FBXO4: variants seen among roughly 807,000 people sequenced by gnomAD.
The protein encoded by FBXO4 is F-box protein 4.
In FBXO4, 36 loss-of-function variants were observed where a neutral mutation model predicts 43.7. That is an observed-to-expected ratio of 0.82 (90% confidence interval 0.63 to 1.09). The LOEUF (loss-of-function observed/expected upper bound fraction) is 1.09, where lower values mean the gene tolerates loss of function less well. FBXO4 is among the 50% of genes least tolerant of loss of function. The pLI is 0.00. For missense variants in FBXO4, 435 were observed against 474.1 expected (o/e 0.92, Z 0.77); for synonymous variants, 180 against 165.6 (o/e 1.09, Z -0.67).
At chr5:42,036,953 T>C in the FBXO4 span, among the ~76,000 whole-genome samples, 5 of 152,028 alleles carry the variant, frequency 3.3e-5, no homozygotes, top group Admixed American at 3.3e-4. Context: ...CTAATCCCAT[T>C]CCTCAGTCAT....
At chr5:41,980,823 G>T in the FBXO4 span, among the ~76,000 whole-genome samples, 1 of 151,164 alleles carries the variant, frequency 6.6e-6, no homozygotes, top group Admixed American at 6.6e-5. Context: ...GAGATAAAAA[G>T]AATATATGCT....
intron 6 of FBXO4, 103 bp from the exon 7 acceptor site, chr5:41,941,089 A>T (rs1374403062): frequency 4.9e-6 from 4 of 817,016 alleles, no homozygotes; most frequent in Non-Finnish European, 7.7e-6. Context: ...TGGGATTTTT[A>T]AAAGTTCTGT....
chr5:42,009,743 G>A, the FBXO4 span, among the ~76,000 whole-genome samples: 2 of 152,182 alleles, frequency 1.3e-5, no homozygotes, highest in South Asian at 2.1e-4. Flanking sequence ...AAGACTAAGT[G>A]TTCCTTTTAG....
chr5:42,030,049 T>C, the FBXO4 span, among the ~76,000 whole-genome samples: 1 of 152,116 alleles, frequency 6.6e-6, no homozygotes, highest in Non-Finnish European at 1.5e-5. Flanking sequence ...ATTTATAGAT[T>C]CAATGCCATC....
chr5:42,034,638 T>A, the FBXO4 span, among the ~76,000 whole-genome samples: 1 of 152,218 alleles, frequency 6.6e-6, no homozygotes, highest in African/African-American at 2.4e-5. Flanking sequence ...CCCCATTGAT[T>A]GTTTTTGTCA....
intron 5 of FBXO4, among the ~76,000 whole-genome samples, chr5:41,935,429 A>G (rs1426123607): frequency 1.3e-5 from 2 of 152,210 alleles, no homozygotes; most frequent in Admixed American, 6.5e-5. Flanking sequence ...CCTTTTCTCA[A>G]TGAAGCCAAA....
chr5:41,928,386 G>A (rs1255472075), intron 2 of FBXO4: 1 of 150,002 alleles, frequency 6.7e-6, no homozygotes, highest in Non-Finnish European at 1.5e-5. Flanking sequence ...CCAGGCTGGA[G>A]TGCAGTGGAG....
the FBXO4 span, among the ~76,000 whole-genome samples, chr5:42,027,070 T>A: frequency 4.6e-5 from 7 of 151,898 alleles, no homozygotes; most frequent in Non-Finnish European, 7.4e-5. Flanking sequence ...ATAGAATGAG[T>A]TTGAAAGCAC....
chr5:41,995,747 TC>T, the FBXO4 span, among the ~76,000 whole-genome samples: 2 of 152,282 alleles, frequency 1.3e-5, no homozygotes, highest in African/African-American at 4.8e-5. Flanking sequence ...ACATACCTCT[TC>T]CCCTTTCTTT....
the FBXO4 span, among the ~76,000 whole-genome samples, chr5:41,957,984 G>A: frequency 6.6e-6 from 1 of 151,994 alleles, no homozygotes; most frequent in Admixed American, 6.6e-5. Context: ...AAATCGATGA[G>A]TAAAATTATA....
At chr5:41,967,618 G>T in the FBXO4 span, 7 of 1,070,152 alleles carry the variant, frequency 6.5e-6, no homozygotes, top group Non-Finnish European at 8.4e-6. Flanking sequence ...TCTTCCCTAG[G>T]GTTGGAATGC....
At chr5:42,001,935 G>A in the FBXO4 span, among the ~76,000 whole-genome samples, 1,766 of 152,192 alleles carry the variant, frequency 0.012, 80 homozygotes, top group Admixed American at 0.074. Context: ...GACCTTGGGC[G>A]ATCTGCTCGC....
At chr5:41,964,406 T>G in the FBXO4 span, among the ~76,000 whole-genome samples, 101 of 152,188 alleles carry the variant, frequency 6.6e-4, 2 homozygotes, top group South Asian at 0.012. Context: ...CAGACAGATG[T>G]GTTTTAATAA....
At chr5:41,926,585 G>C (rs1751509457) in intron 1 of FBXO4, among the ~76,000 whole-genome samples, 1 of 152,048 alleles carries the variant, frequency 6.6e-6, no homozygotes, top group East Asian at 1.9e-4. Context: ...AAAAGAAAAA[G>C]ACAAATGTAC....
chr5:42,031,056 C>G, the FBXO4 span, among the ~76,000 whole-genome samples: 4 of 152,142 alleles, frequency 2.6e-5, no homozygotes, highest in African/African-American at 9.7e-5. Flanking sequence ...GTGGCAATTC[C>G]TCAGGGATCT....
the FBXO4 span, among the ~76,000 whole-genome samples, chr5:41,957,131 A>G: frequency 4.6e-5 from 7 of 152,062 alleles, no homozygotes; most frequent in Admixed American, 4.6e-4. Flanking sequence ...AACTTCTAAG[A>G]TCTGTGGTTG....
the FBXO4 span, among the ~76,000 whole-genome samples, chr5:42,006,887 G>GATATATACAT: frequency 2.5e-5 from 2 of 79,120 alleles, no homozygotes; most frequent in Non-Finnish European, 4.9e-5. Context: ...GGTTCATGCT[G>GATATATACAT]ATATATATAT....
the FBXO4 span, among the ~76,000 whole-genome samples, chr5:41,973,607 T>G: frequency 6.6e-6 from 1 of 152,068 alleles, no homozygotes; most frequent in African/African-American, 2.4e-5. Context: ...CTTGAACCCA[T>G]GAGGTTGAGG....
At chr5:41,970,448 T>A in the FBXO4 span, among the ~76,000 whole-genome samples, 1 of 151,988 alleles carries the variant, frequency 6.6e-6, no homozygotes, top group African/African-American at 2.4e-5. Context: ...TTATAAAATA[T>A]GCAAGAAATT....
Sources: gnomAD v4.1 joint callset for allele counts (sites outside exome capture counted in the v4.1 genomes callset) on GRCh38, gnomAD v4.1.1 for gene constraint, MANE v1.5 for transcripts, NCBI Gene and HGNC (gene_info 2026-07-23, HGNC 2026-07-21) for gene names.